The following RIPOR3 variants were observed in gnomAD, a reference collection of about 807,000 sequenced individuals.
The protein encoded by RIPOR3 is family with sequence similarity 65 member C.
RIPOR3 carries 95 observed loss-of-function variants against 114.3 expected under a neutral mutation model. The ratio of observed to expected loss-of-function variants is 0.83; its 90% CI spans 0.70 to 0.99. RIPOR3 has a LOEUF of 0.99. Ranked by LOEUF, RIPOR3 falls within the 50% of genes least tolerant of loss-of-function variation. RIPOR3 has a pLI of 0.00. For synonymous variants in RIPOR3, 575 were observed against 543.8 expected (o/e 1.06, Z -0.80); for missense variants, 1,252 against 1,266.9 (o/e 0.99, Z 0.18).
At chr20:50,620,575 C>T (rs1319101615) in intron 2 of RIPOR3, among the ~76,000 whole-genome samples, 1 of 151,594 alleles carries the variant, frequency 6.6e-6, no homozygotes, top group African/African-American at 2.4e-5. Flanking sequence ...TTCAGTGAGC[C>T]GAGATTGCAT....
Position 50,608,668 on chromosome 20 carries a change from C to G in RIPOR3, c.755G>C (p.Trp252Ser), listed in dbSNP as rs1336682284. The G allele has an allele frequency of 6.2e-7, 1 of 1,614,058 alleles. No individual in the cohort carries two copies. Among genetic ancestry groups the G allele is most frequent in the Non-Finnish European group, 8.5e-7 (1 of 1,179,932 alleles). Residue 252 changes from tryptophan to serine, a missense_variant, in exon 10 of 22, where the codon TGG becomes TCG. Transcript: ENST00000327979. The part of the protein sequence containing the change: ...GRIESDDSQT[W>S]DEEEKAFIPT... ...GATGAAGGCCTTCTCCTCTTCGTCC[C>G]AGGTCTGGCTGTCATCTGACTCGAT... is the stretch of plus-strand genomic sequence containing the variant.
intron 1 of RIPOR3, among the ~76,000 whole-genome samples, chr20:50,663,857 G>A (rs1310910521): frequency 6.6e-6 from 1 of 151,514 alleles, no homozygotes; most frequent in Non-Finnish European, 1.5e-5. Context: ...CTGTCAACTC[G>A]AGCACATTAT....
intron 1 of RIPOR3, among the ~76,000 whole-genome samples, chr20:50,670,087 G>GC (rs951812653): frequency 1.3e-5 from 2 of 150,986 alleles, no homozygotes; most frequent in African/African-American, 4.9e-5. Context: ...AACCCGGGAG[G>GC]CGGAGGTTGC....
At position 50,594,692 on chromosome 20, in the gene RIPOR3, C is replaced by T. The variant is rs748284234; in HGVS notation, c.2073G>A (p.Thr691=). The change falls in exon 17 of 22, where the codon ACG becomes ACA. Residue 691 remains threonine, a synonymous_variant. Transcript: ENST00000327979. ...CTCTCCACAGCTTCAGGCACCCCTT[C>T]GTCCGCGAGGCCTGTGGGATGACTG... The part of the protein sequence containing the change: ...IEEIIPQASR[T]KGCLKLWRGC... The T allele has an allele frequency of 9.3e-6, 15 of 1,612,102 alleles. No homozygotes were observed. Among genetic ancestry groups the T allele is most frequent in the Admixed American group, 3.3e-5 (2 of 59,930 alleles).
chr20:50,687,098 A>T (rs148154992), intron 1 of RIPOR3, among the ~76,000 whole-genome samples: 1 of 152,344 alleles, frequency 6.6e-6, no homozygotes, highest in African/African-American at 2.4e-5. Flanking sequence ...TGTGCATGAA[A>T]ACAAAGGATG....
At chr20:50,676,767 T>TA (rs1440515217) in intron 1 of RIPOR3, among the ~76,000 whole-genome samples, 31 of 149,786 alleles carry the variant, frequency 2.1e-4, no homozygotes, top group Non-Finnish European at 3.1e-4. Context: ...CTCCAGATTC[T>TA]ACTTTTTTTT....
intron 1 of RIPOR3, among the ~76,000 whole-genome samples, chr20:50,683,860 C>T (rs987160070): frequency 2.0e-5 from 3 of 151,934 alleles, no homozygotes; most frequent in Non-Finnish European, 2.9e-5. Flanking sequence ...GCAGGTGGAT[C>T]ACCTGAAGTC....
chr20:50,600,151 C>A (rs2083444451), intron 13 of RIPOR3, among the ~76,000 whole-genome samples: 2 of 152,142 alleles, frequency 1.3e-5, no homozygotes, highest in South Asian at 4.2e-4. Flanking sequence ...AATCCACCTG[C>A]CTTGGCCTCC....
rs1295058440 is a variant in RIPOR3 at position 50,671,414 on chromosome 20, GTGCACGCGCGCGCGCACACA to G, written c.3+19692_3+19711del. Reference sequence around the variant, plus strand: ...CTCTCTCTCACATGAGCACGCGCGCGTGCACGCGCGCGCGCACACACACACACACACACACACACACACAC... The same window carrying G: ...CTCTCTCTCACATGAGCACGCGCGCGCACACACACACACACACACACACAC... On this transcript the variant is annotated intron_variant, in intron 1 of 21. Transcript: ENST00000327979. 3.4e-4 allele frequency among the ~76,000 whole-genome samples: 29 copies of G among 85,764 alleles called. No homozygotes were observed. The South Asian group carries it at 0.011, about 33-fold the overall frequency. The allele number at this position is 85,764 out of a possible 152,430, so 56.3% of individuals were successfully genotyped here.
intron 4 of RIPOR3, among the ~76,000 whole-genome samples, chr20:50,614,072 A>G (rs139352322): frequency 0.024 from 3,707 of 152,202 alleles, 93 homozygotes; most frequent in African/African-American, 0.058. Context: ...GTCTGGCTCT[A>G]TCGTCCAGGC....
At chr20:50,661,121 C>T (rs1035832714) in intron 1 of RIPOR3, among the ~76,000 whole-genome samples, 8 of 150,582 alleles carry the variant, frequency 5.3e-5, no homozygotes, top group Non-Finnish European at 7.4e-5. Flanking sequence ...GCCTGTAATC[C>T]CAGCTACTCG....
rs1473343687 is a variant in RIPOR3, at chr20:50,679,123, A to ATATATATAT, written c.3+12002_3+12003insATATATATA. Among the ~76,000 whole-genome samples the ATATATATAT allele has an allele frequency of 1.1e-4, 9 of 79,168 alleles. No individual in the cohort carries two copies. In the East Asian group the frequency reaches 2.4e-3, roughly 21 times the overall value. 51.9% of individuals were successfully genotyped at this position (79,168 alleles called of 152,430 possible). ...CTGTCTCAAAAAAAAAAAAAAAAAA[A>ATATATATAT]AAAAAAAAAAAAATATATATATATA... On this transcript the variant is annotated intron_variant, in intron 1 of 21. Transcript: ENST00000327979.
intron 1 of RIPOR3, among the ~76,000 whole-genome samples, chr20:50,688,564 A>C (rs1381221777): frequency 1.3e-5 from 2 of 152,208 alleles, no homozygotes; most frequent in Non-Finnish European, 2.9e-5. Context: ...AAAATCTGAC[A>C]ATCAGCTTTC....
intron 1 of RIPOR3, among the ~76,000 whole-genome samples, chr20:50,690,141 T>G (rs1221130516): frequency 1.3e-5 from 2 of 152,256 alleles, no homozygotes; most frequent in Non-Finnish European, 2.9e-5. Flanking sequence ...GGGAGGCATG[T>G]GGAAAGCGCT....
chr20:50,608,779 G>A (rs1453897683), intron 9 of RIPOR3, 41 bp from the exon 10 acceptor site: 2 of 1,612,730 alleles, frequency 1.2e-6, no homozygotes, highest in South Asian at 1.1e-5. Context: ...GCCCAGGTGG[G>A]TGTCCCCTTG....
intron 1 of RIPOR3, among the ~76,000 whole-genome samples, chr20:50,631,957 G>C (rs540503531): frequency 6.6e-6 from 1 of 152,038 alleles, no homozygotes; most frequent in Non-Finnish European, 1.5e-5. Flanking sequence ...CAAAACCTAC[G>C]AAAAAGCTCC....
chr20:50,623,741 G>A (rs1410156105), intron 2 of RIPOR3, among the ~76,000 whole-genome samples: 1 of 152,212 alleles, frequency 6.6e-6, no homozygotes, highest in African/African-American at 2.4e-5. Context: ...GAGAACACGT[G>A]AGCCTAAGTA....
rs1600597060 is a variant in RIPOR3, at chr20:50,620,855, C to CAG, written c.123-724_123-723insCT. ...CAGGCACAGCCGCTGCAGTGGGTGT[C>CAG]TGACCAAATACACTGAGTTTGTGCG... On this transcript the variant is annotated intron_variant, in intron 2 of 21. Coordinates refer to ENST00000327979, the MANE Select transcript of RIPOR3 (RefSeq NM_001290268.2). The CAG allele has an allele frequency of 1.3e-5, 10 of 753,464 alleles. No homozygotes were observed. In the East Asian group the frequency reaches 2.7e-4, roughly 21 times the overall value. The allele number at this position is 753,464 out of a possible 1,614,324, so 46.7% of individuals were successfully genotyped here. A position where few individuals can be genotyped will look rare whatever the true frequency, so the allele number is the denominator to read the frequency against.
chr20:50,630,925 C>A (rs1257338734), intron 1 of RIPOR3, 69 bp from the exon 2 acceptor site: 15 of 1,252,774 alleles, frequency 1.2e-5, no homozygotes, highest in Non-Finnish European at 1.7e-5. Flanking sequence ...AGGCCAGCCA[C>A]CTTCCACCAA....
Sources: gnomAD v4.1 joint callset for allele counts (sites outside exome capture counted in the v4.1 genomes callset) on GRCh38, gnomAD v4.1.1 for gene constraint, MANE v1.5 for transcripts, NCBI Gene and HGNC (gene_info 2026-07-23, HGNC 2026-07-21) for gene names.